PARVG: variants seen among roughly 807,000 people sequenced by gnomAD.
PARVG encodes gamma-parvin.
In PARVG, 36 loss-of-function variants were observed where a neutral mutation model predicts 44.4. That is an observed-to-expected ratio of 0.81 (90% CI 0.62 to 1.07). The LOEUF is 1.07. Among genes scored for constraint, PARVG ranks in the 50% least tolerant of loss-of-function variants. PARVG has a pLI of 0.00. For synonymous variants in PARVG, 170 were observed against 174.1 expected (o/e 0.98, Z 0.19); for missense variants, 407 against 407.4 (o/e 1.00, Z 0.01).
intron 7 of PARVG, among the ~76,000 whole-genome samples, chr22:44,191,388 A>ATTTT (rs35954868): frequency 2.4e-4 from 15 of 63,468 alleles, no homozygotes; most frequent in Non-Finnish European, 3.4e-4. Flanking sequence ...AGTCATTTCT[A>ATTTT]TTTTTTTTTT....
At chr22:44,196,281 A>G in intron 10 of PARVG, 66 bp from the exon 11 acceptor site, 1 of 1,613,582 alleles carries the variant, frequency 6.2e-7, no homozygotes, top group Non-Finnish European at 8.5e-7. Flanking sequence ...CCTGCGCTGT[A>G]GGAGGGAATC....
intron 13 of PARVG, 23 bp downstream of exon 13, chr22:44,205,852 C>T (rs2054773659): frequency 6.2e-7 from 1 of 1,609,856 alleles, no homozygotes; most frequent in Admixed American, 1.7e-5. Context: ...CAGATGCCCA[C>T]ACGGTGGCCA....
intron 12 of PARVG, among the ~76,000 whole-genome samples, chr22:44,204,730 C>T (rs756969190): frequency 3.9e-5 from 6 of 152,240 alleles, no homozygotes; most frequent in Non-Finnish European, 8.8e-5. Context: ...CACAGCTGAC[C>T]CCCGGGCTGG....
chr22:44,191,176 G>C (rs530624059), intron 7 of PARVG, among the ~76,000 whole-genome samples: 1 of 152,058 alleles, frequency 6.6e-6, no homozygotes, highest in East Asian at 1.9e-4. Flanking sequence ...CCTGTGCTGC[G>C]GTTAATACCC....
Position 44,182,030 on chromosome 22 carries a change from G to A in PARVG, c.-13+113G>A. On this transcript the variant is annotated intron_variant, in intron 2 of 13. Coordinates refer to ENST00000444313, the MANE Select transcript of PARVG (RefSeq NM_022141.7). This position sits in a 1 kb window ranked among gnomAD's most constrained non-coding sequence, Gnocchi z 4.6. ...TGCAGTCCCAGCCCAGGCCACCCGG[G>A]GAAGGGAGTCGGTAAAGTGGGACCT... 1 of 882,794 alleles carries A rather than the reference G, an allele frequency of 1.1e-6. No homozygotes were observed. Among genetic ancestry groups the A allele is most frequent in the Non-Finnish European group, 1.4e-6 (1 of 736,378 alleles). 54.7% of individuals were successfully genotyped at this position (882,794 alleles called of 1,614,324 possible).
At position 44,196,215 on chromosome 22, in the gene PARVG, T is replaced by C; in HGVS notation, c.642+2T>C. The C allele has an allele frequency of 6.2e-7, 1 of 1,614,094 alleles. No individual in the cohort carries two copies. The highest frequency in any genetic ancestry group is 8.5e-7 in the Non-Finnish European group (1 of 1,179,986). ...GAGAAAGTGAACGCAGTGAAAGAGG[T>C]AGGAGAGATCAAAGCTCTCAGCGGC... On this transcript the variant is annotated splice_donor_variant, in intron 10 of 13. Transcript: ENST00000444313. LOFTEE classifies it high-confidence loss of function.
At chr22:44,196,894 C>CCAGGAG (rs2054625837) in intron 11 of PARVG, among the ~76,000 whole-genome samples, 1 of 152,146 alleles carries the variant, frequency 6.6e-6, no homozygotes, top group Non-Finnish European at 1.5e-5. Flanking sequence ...TCGAATTTTC[C>CCAGGAG]CAGGAGCAGG....
chr22:44,190,817 CA>C lies in PARVG; in HGVS notation c.504+152del, dbSNP rs1164927648. The stretch of plus-strand genomic sequence containing the variant: ...AGAAATAGAATCCAGCCAGGATGGC[CA>C]GGGGGTGCTGTCTGGAGCTGGGGAC... On this transcript the variant is annotated intron_variant, in intron 7 of 13. Coordinates refer to ENST00000444313, the MANE Select transcript of PARVG (RefSeq NM_022141.7). The C allele has an allele frequency of 4.3e-6, 3 of 700,842 alleles. No individual in the cohort carries two copies. The Admixed American group carries it at 6.9e-5, about 16-fold the overall frequency. 43.4% of individuals were successfully genotyped at this position (700,842 alleles called of 1,614,324 possible). A position where few individuals can be genotyped will look rare whatever the true frequency, so the allele number is the denominator to read the frequency against.
At chr22:44,197,756 C>T (rs918148007) in intron 11 of PARVG, among the ~76,000 whole-genome samples, 2 of 152,194 alleles carry the variant, frequency 1.3e-5, no homozygotes, top group African/African-American at 4.8e-5. Flanking sequence ...GTGAGTGATA[C>T]ATGAGCTGGT....
At chr22:44,195,098 G>C (rs1351902846) in intron 9 of PARVG, among the ~76,000 whole-genome samples, 2 of 152,192 alleles carry the variant, frequency 1.3e-5, no homozygotes, top group East Asian at 3.9e-4. Context: ...CTGAGAATGG[G>C]GGCTGAGGAA....
intron 12 of PARVG, among the ~76,000 whole-genome samples, chr22:44,203,802 G>A (rs1601750003): frequency 2.0e-5 from 3 of 152,312 alleles, no homozygotes; most frequent in African/African-American, 7.2e-5. Context: ...GGTCTGGACA[G>A]TCTCAGAGTT....
At chr22:44,178,557 A>G (rs1398311661), upstream of PARVG, among the ~76,000 whole-genome samples, 2 of 152,256 alleles carry the variant, frequency 1.3e-5, no homozygotes, top group African/African-American at 4.8e-5. Context: ...AGCATTCAAT[A>G]AAACATTATT....
At chr22:44,204,839 A>T (rs1195158404) in intron 12 of PARVG, among the ~76,000 whole-genome samples, 2 of 152,190 alleles carry the variant, frequency 1.3e-5, no homozygotes, top group African/African-American at 2.4e-5. Context: ...CTCTTCACCC[A>T]CACCAGGCTG....
chr22:44,188,888 C>T (rs773368840), intron 5 of PARVG: 7 of 583,202 alleles, frequency 1.2e-5, no homozygotes, highest in South Asian at 8.3e-5. Flanking sequence ...CATCATGTGG[C>T]CTGCATGGCC....
chr22:44,178,349 A>C (rs2054337974), upstream of PARVG, among the ~76,000 whole-genome samples: 1 of 152,238 alleles, frequency 6.6e-6, no homozygotes, highest in Admixed American at 6.5e-5. Flanking sequence ...CCTGGACATA[A>C]TTCCTGGACT....
At position 44,181,146 on chromosome 22, in the gene PARVG, C is replaced by A; in HGVS notation, c.-228C>A. Reference sequence around the variant, plus strand: ...GCAACAACCACCACCAATATTTATTCACTGAGCCCACTTTGTGCCAAGCAT... The same window carrying A: ...GCAACAACCACCACCAATATTTATTAACTGAGCCCACTTTGTGCCAAGCAT... On this transcript the variant is annotated 5_prime_UTR_variant, in exon 1 of 14. Coordinates refer to ENST00000444313, the MANE Select transcript of PARVG (RefSeq NM_022141.7). 2.5e-6 allele frequency: 1 copy of A among 395,020 alleles called. No individual in the cohort carries two copies. Among genetic ancestry groups the A allele is most frequent in the Non-Finnish European group, 3.4e-6 (1 of 290,100 alleles). The allele number at this position is 395,020 out of a possible 1,614,324, so 24.5% of individuals were successfully genotyped here. A position where few individuals can be genotyped will look rare whatever the true frequency, so the allele number is the denominator to read the frequency against.
At chr22:44,196,606 C>CA (rs1555918164) in intron 11 of PARVG, among the ~76,000 whole-genome samples, 191 bp downstream of exon 11, 18 of 151,474 alleles carry the variant, frequency 1.2e-4, no homozygotes, top group African/African-American at 4.4e-4. Flanking sequence ...GGTGGGATCC[C>CA]GGGGGTGGAG....
At chr22:44,198,310 ACTTAAC>A (rs2054644847) in intron 11 of PARVG, among the ~76,000 whole-genome samples, 3 of 152,186 alleles carry the variant, frequency 2.0e-5, no homozygotes. Flanking sequence ...ATAATTTTAC[ACTTAAC>A]TCTGTTTTCC....
chr22:44,196,372 A>G lies in PARVG; in HGVS notation c.668A>G (p.Lys223Arg), dbSNP rs1447270016. The change falls in exon 11 of 14, where the codon AAG (lysine) becomes AGG (arginine). Residue 223 changes from lysine to arginine, a missense_variant. Physicochemically the swap from Lys to Arg is conservative, Grantham distance 26 (BLOSUM62 2). Coordinates refer to ENST00000444313, the MANE Select transcript of PARVG (RefSeq NM_022141.7). ...KEAIVNFVNQKLDRLGLSVQN... is the reference protein window; with the variant it reads ...KEAIVNFVNQRLDRLGLSVQN... Reference sequence around the variant, plus strand: ...GCCATCGTGAACTTTGTCAACCAGAAGCTGGACCGCCTGGGCCTGTCTGTG... The same window carrying G: ...GCCATCGTGAACTTTGTCAACCAGAGGCTGGACCGCCTGGGCCTGTCTGTG... 2 of 1,614,210 alleles carry G rather than the reference A, an allele frequency of 1.2e-6. No individual in the cohort carries two copies. The highest frequency in any genetic ancestry group is 8.5e-7 in the Non-Finnish European group (1 of 1,180,040).
Sources: allele counts gnomAD v4.1 joint callset (sites outside exome capture counted in the v4.1 genomes callset), GRCh38; gene constraint gnomAD v4.1.1; non-coding constraint Gnocchi (gnomAD v3.1); transcripts MANE v1.5; gene names NCBI Gene and HGNC (gene_info 2026-07-23, HGNC 2026-07-21).